Variants in TNFRSF10D observed in about 807,000 individuals in gnomAD.
TNFRSF10D encodes the protein tumor necrosis factor receptor superfamily member 10D.
In TNFRSF10D, 28 loss-of-function variants were observed where a neutral mutation model predicts 42.1. The ratio of observed to expected loss-of-function variants is 0.66; its 90% CI spans 0.49 to 0.91. The LOEUF (loss-of-function observed/expected upper bound fraction) is 0.91. TNFRSF10D is among the 40% of genes least tolerant of loss of function. The pLI is 0.00. For synonymous variants in TNFRSF10D, 186 were observed against 189.4 expected, an observed-to-expected ratio of 0.98 and a Z score of 0.15; for missense variants, 503 against 486.1, an observed-to-expected ratio of 1.03 and a Z score of -0.33.
intron 2 of TNFRSF10D, among the ~76,000 whole-genome samples, chr8:23,154,625 T>A (rs533294594): frequency 6.6e-6 from 1 of 151,608 alleles, no homozygotes; most frequent in East Asian, 1.9e-4. Flanking sequence ...CAGATGAGGA[T>A]GGCTACAGAA....
rs190630779 is a variant in TNFRSF10D at position 23,136,309 on chromosome 8, A to G, written c.*1561T>C. The stretch of plus-strand genomic sequence containing the variant: ...CTGTTGTCACAGTGTTTAAGAATTG[A>G]TATCTCTGAGATGAGTCAGATGCTT... On this transcript the variant is annotated 3_prime_UTR_variant, in exon 9 of 9. Coordinates refer to ENST00000312584, the MANE Select transcript of TNFRSF10D (RefSeq NM_003840.5). The G allele has an allele frequency of 6.1e-3, 1,376 of 227,370 alleles. 1 individual carries two copies. The highest frequency in any genetic ancestry group is 0.021 in the South Asian group (364 of 17,148). The allele number at this position is 227,370 out of a possible 1,614,324, so 14.1% of individuals were successfully genotyped here. A position where few individuals can be genotyped will look rare whatever the true frequency, so the allele number is the denominator to read the frequency against.
chr8:23,154,430 C>G (rs913729992), intron 2 of TNFRSF10D, among the ~76,000 whole-genome samples: 2 of 152,132 alleles, frequency 1.3e-5, no homozygotes, highest in African/African-American at 4.8e-5. Context: ...ATTGCATACA[C>G]CCCAGGTACA....
chr8:23,149,584 T>C (rs1021646124), intron 2 of TNFRSF10D, among the ~76,000 whole-genome samples: 1 of 149,266 alleles, frequency 6.7e-6, no homozygotes, highest in Non-Finnish European at 1.5e-5. Flanking sequence ...AATAACAAAA[T>C]AAAATCCAAC....
At chr8:23,146,834 C>A in intron 4 of TNFRSF10D, 127 bp downstream of exon 4, 1 of 768,660 alleles carries the variant, frequency 1.3e-6, no homozygotes. Flanking sequence ...GCTCAGGAAA[C>A]CCCACAGGCT....
At chr8:23,148,305 A>G in intron 3 of TNFRSF10D, 133 bp downstream of exon 3, 1 of 444,144 alleles carries the variant, frequency 2.3e-6, no homozygotes, top group Non-Finnish European at 4.2e-6. Context: ...TCAACTAGTC[A>G]TAATCATGGA....
chr8:23,138,472 T>G (rs1384532801), intron 7 of TNFRSF10D, among the ~76,000 whole-genome samples: 918 of 152,228 alleles, frequency 6.0e-3, no homozygotes, highest in African/African-American at 0.019. Flanking sequence ...GCTCACTTTG[T>G]AAGTGTTCTG....
At position 23,148,626 on chromosome 8, in the gene TNFRSF10D, T is replaced by C. The variant is rs541795403; in HGVS notation, c.257-75A>G. ...AGGCTGACAATGGCTGGCAAATTTC[T>C]CTTTTGGCCCTCAGTGGAATCCAGA... On this transcript the variant is annotated intron_variant, in intron 2 of 8. Transcript: ENST00000312584. 171 of 1,131,270 alleles carry C rather than the reference T, an allele frequency of 1.5e-4. No individual in the cohort carries two copies. In the Middle Eastern group the frequency reaches 2.0e-3, roughly 13 times the overall value. 70.1% of individuals were successfully genotyped at this position (1,131,270 alleles called of 1,614,324 possible).
chr8:23,137,730 G>A lies in TNFRSF10D; in HGVS notation c.*140C>T, dbSNP rs140083824. ...TCCAAGTGCGTTAACAAAGTTCTAG[G>A]ACCATTGGTAAGCTGCCCCATATTG... On this transcript the variant is annotated 3_prime_UTR_variant, in exon 9 of 9. Transcript: ENST00000312584. The A allele has an allele frequency of 1.9e-3, 2,146 of 1,152,034 alleles. No homozygotes were observed. The African/African-American group carries it at 0.02, about 11-fold the overall frequency. The allele number at this position is 1,152,034 out of a possible 1,614,324, so 71.4% of individuals were successfully genotyped here.
chr8:23,136,101 C>T lies in TNFRSF10D; in HGVS notation c.*1769G>A, dbSNP rs1814322430. 3 of 342,070 alleles carry T rather than the reference C, an allele frequency of 8.8e-6. No individual in the cohort carries two copies. The highest frequency in any genetic ancestry group is 2.4e-5 in the South Asian group (1 of 40,986). The allele number at this position is 342,070 out of a possible 1,614,324, so 21.2% of individuals were successfully genotyped here. On this transcript the variant is annotated 3_prime_UTR_variant, in exon 9 of 9. Coordinates refer to ENST00000312584, the MANE Select transcript of TNFRSF10D (RefSeq NM_003840.5). ...CAGCCAAACCAGTCCCGGAACAAAA[C>T]ACACAATGCCTTGAGATGGAAAAGA...
chr8:23,154,851 G>T (rs763496434), intron 2 of TNFRSF10D, 23 bp downstream of exon 2: 2 of 1,590,794 alleles, frequency 1.3e-6, no homozygotes, highest in Admixed American at 1.7e-5. Flanking sequence ...AAAATAAACT[G>T]ATTTTTAAAA....
rs758756411 is a variant in TNFRSF10D, at chr8:23,148,553, T to C, written c.257-2A>G. On this transcript the variant is annotated splice_acceptor_variant, in intron 2 of 8. Coordinates refer to ENST00000312584, the MANE Select transcript of TNFRSF10D (RefSeq NM_003840.5). LOFTEE classifies it high-confidence loss of function. ...CAGTATATTCTGATCTATGAGATCC[T>C]GGGAAGGGAGAGAAAAGTTAATGAA... 1 of 1,601,900 alleles carries C rather than the reference T, an allele frequency of 6.2e-7. No individual in the cohort carries two copies. Among genetic ancestry groups the C allele is most frequent in the Non-Finnish European group, 8.5e-7 (1 of 1,171,016 alleles).
At chr8:23,152,107 G>A (rs529041390) in intron 2 of TNFRSF10D, among the ~76,000 whole-genome samples, 4 of 152,176 alleles carry the variant, frequency 2.6e-5, no homozygotes, top group Non-Finnish European at 4.4e-5. Context: ...CTACTCTTTA[G>A]GAGACAGCCA....
At chr8:23,149,908 C>A (rs1012405446) in intron 2 of TNFRSF10D, among the ~76,000 whole-genome samples, 8 of 152,118 alleles carry the variant, frequency 5.3e-5, no homozygotes, top group African/African-American at 1.9e-4. Context: ...AATACTATCC[C>A]AGAGAAAAGG....
intron 7 of TNFRSF10D, among the ~76,000 whole-genome samples, chr8:23,139,844 C>T (rs1045393867): frequency 5.9e-5 from 9 of 152,170 alleles, no homozygotes; most frequent in Non-Finnish European, 1.2e-4. Flanking sequence ...GATACAAAAT[C>T]AATGTATAAA....
rs575935299 is a variant in TNFRSF10D, at chr8:23,151,754, G to GTA, written c.256+3118_256+3119dup. ...GACATGAACCTAACTTACAAATTCA[G>GTA]TAGTGTTTTTATACACTGACAAGAA... On this transcript the variant is annotated intron_variant, in intron 2 of 8. Transcript: ENST00000312584. 6.6e-5 allele frequency among the ~76,000 whole-genome samples: 10 copies of GTA among 152,290 alleles called. No homozygotes were observed. The East Asian group carries it at 1.9e-3, about 29-fold the overall frequency.
At chr8:23,152,868 A>T (rs183114385) in intron 2 of TNFRSF10D, among the ~76,000 whole-genome samples, 905 of 152,192 alleles carry the variant, frequency 5.9e-3, no homozygotes, top group African/African-American at 0.019. Context: ...GACAAAATAA[A>T]TCTAAAATGT....
In TNFRSF10D at chr8:23,163,416, T is replaced by TGAAC. The variant is rs35466375; in HGVS notation, c.150+366_150+369dup. On this transcript the variant is annotated intron_variant, in intron 1 of 8. Transcript: ENST00000312584. ...CCGCGACCGGCCTGGGTTAACGTTATGAACGAACGAACGAACGAACGAACG... is the reference window on the plus strand; with the variant it reads ...CCGCGACCGGCCTGGGTTAACGTTATGAACGAACGAACGAACGAACGAACGAACG... 3.5e-3 allele frequency among the ~76,000 whole-genome samples: 529 copies of TGAAC among 150,690 alleles called. 4 individuals are homozygous for TGAAC. Among genetic ancestry groups the TGAAC allele is most frequent in the South Asian group, 0.017 (79 of 4,766 alleles).
chr8:23,155,053 C>T, intron 1 of TNFRSF10D, 74 bp from the exon 2 acceptor site: 2 of 1,194,332 alleles, frequency 1.7e-6, no homozygotes, highest in South Asian at 3.1e-5. Flanking sequence ...CTCACATTCC[C>T]TTCACCCCAA....
chr8:23,145,954 T>G (rs373312572), intron 4 of TNFRSF10D, 33 bp from the exon 5 acceptor site: 17 of 1,613,382 alleles, frequency 1.1e-5, no homozygotes, highest in Non-Finnish European at 1.4e-5. Flanking sequence ...ACAGGGACTC[T>G]TGATGGAAAG....
Sources: gnomAD v4.1 joint callset for allele counts (sites outside exome capture counted in the v4.1 genomes callset) on GRCh38, gnomAD v4.1.1 for gene constraint, MANE v1.5 for transcripts, NCBI Gene and HGNC (gene_info 2026-07-23, HGNC 2026-07-21) for gene names.